Variants in BARD1 observed in about 807,000 individuals in gnomAD.
BARD1 encodes the protein BRCA1 associated RING domain 1.
BARD1 carries 73 observed loss-of-function variants against 77.0 expected under a neutral mutation model. That is an observed-to-expected ratio of 0.95 (90% CI 0.79 to 1.15). The LOEUF (loss-of-function observed/expected upper bound fraction) is 1.15, where lower values mean the gene tolerates loss of function less well. Ranked by LOEUF, BARD1 falls within the 50% of genes most tolerant of loss-of-function variation. The pLI is 0.00. For missense variants in BARD1, 993 were observed against 938.8 expected, an observed-to-expected ratio of 1.06 and a Z score of -0.75; for synonymous variants, 384 against 338.0, an observed-to-expected ratio of 1.14 and a Z score of -1.49.
chr2:214,769,112 T>C, intron 5 of BARD1, 120 bp downstream of exon 5: 1 of 817,172 alleles, frequency 1.2e-6, no homozygotes, highest in Non-Finnish European at 2.0e-6. Flanking sequence ...GATGAAAACA[T>C]AAGTTCTTCA....
At chr2:214,799,046 G>A (rs1695890897) in intron 1 of BARD1, among the ~76,000 whole-genome samples, 2 of 152,202 alleles carry the variant, frequency 1.3e-5, no homozygotes, top group Admixed American at 1.3e-4. Flanking sequence ...GAACCTGGAA[G>A]GTGGAGGTTG....
At chr2:214,763,961 A>C (rs1694079298) in intron 6 of BARD1, among the ~76,000 whole-genome samples, 1 of 152,200 alleles carries the variant, frequency 6.6e-6, no homozygotes, top group African/African-American at 2.4e-5. Flanking sequence ...GACAGCATGC[A>C]CTTAAAAGTC....
chr2:214,802,229 G>T (rs1380874158), intron 1 of BARD1, among the ~76,000 whole-genome samples: 2 of 152,156 alleles, frequency 1.3e-5, no homozygotes, highest in Non-Finnish European at 2.9e-5. Context: ...CTGGGCCACA[G>T]CAGGAAGTCA....
chr2:214,793,880 C>T (rs1253277433), intron 2 of BARD1, among the ~76,000 whole-genome samples: 3 of 151,860 alleles, frequency 2.0e-5, no homozygotes, highest in African/African-American at 7.3e-5. Flanking sequence ...CTAGATAAAC[C>T]AATGAAATTT....
intron 1 of BARD1, among the ~76,000 whole-genome samples, chr2:214,802,244 G>GT (rs1460692722): frequency 5.9e-5 from 9 of 152,078 alleles, no homozygotes; most frequent in Admixed American, 4.6e-4. Flanking sequence ...AAGTCATTCT[G>GT]TTTTTCACTT....
chr2:214,784,076 T>C (rs1695161721), intron 3 of BARD1, among the ~76,000 whole-genome samples: 2 of 152,044 alleles, frequency 1.3e-5, no homozygotes, highest in South Asian at 4.2e-4. Flanking sequence ...CAAAAGAAAC[T>C]ATCATCAGAG....
At chr2:214,800,982 T>A (rs116752696) in intron 1 of BARD1, among the ~76,000 whole-genome samples, 4,180 of 151,686 alleles carry the variant, frequency 0.028, 84 homozygotes, top group Middle Eastern at 0.071. Flanking sequence ...GAAAAAAAAA[T>A]AAATAGCAAT....
At position 214,725,950 on chromosome 2, in the gene BARD1, G is replaced by A. The variant is rs1489902716; in HGVS notation, c.*2726C>T. 3 of 223,678 alleles carry A rather than the reference G, an allele frequency of 1.3e-5. No individual in the cohort carries two copies. The highest frequency in any genetic ancestry group is 1.2e-4 in the Admixed American group (2 of 17,370). 13.9% of individuals were successfully genotyped at this position (223,678 alleles called of 1,614,324 possible). ...GTGGCCCCACTCTCACCTGTGAATC[G>A]TCTTATTCCCACAGGAAACATCAAA... On this transcript the variant is annotated 3_prime_UTR_variant, in exon 11 of 11. Coordinates refer to ENST00000260947, the MANE Select transcript of BARD1 (RefSeq NM_000465.4).
intron 9 of BARD1, among the ~76,000 whole-genome samples, chr2:214,742,661 G>A (rs1479356811): frequency 6.6e-6 from 1 of 152,026 alleles, no homozygotes; most frequent in Non-Finnish European, 1.5e-5. Context: ...CTATAAAAAC[G>A]ACACGGCCAA....
At chr2:214,755,611 A>AC (rs1213122902) in intron 6 of BARD1, among the ~76,000 whole-genome samples, 2 of 152,214 alleles carry the variant, frequency 1.3e-5, no homozygotes, top group Non-Finnish European at 2.9e-5. Flanking sequence ...AGAAACTGGA[A>AC]TATGGTGGTT....
At chr2:214,799,963 A>G (rs1695941541) in intron 1 of BARD1, among the ~76,000 whole-genome samples, 1 of 152,058 alleles carries the variant, frequency 6.6e-6, no homozygotes, top group Non-Finnish European at 1.5e-5. Flanking sequence ...CCGCATTTTA[A>G]TATTTTTATA....
At chr2:214,735,909 G>C (rs1692546503) in intron 9 of BARD1, among the ~76,000 whole-genome samples, 1 of 151,886 alleles carries the variant, frequency 6.6e-6, no homozygotes, top group South Asian at 2.1e-4. Context: ...CTCACACTCA[G>C]GACGTCTATG....
rs778163347 is a variant in BARD1 at position 214,730,402 on chromosome 2, GA to G, written c.2001+8del. 1 of 1,610,040 alleles carries G rather than the reference GA, an allele frequency of 6.2e-7. No homozygotes were observed. Among genetic ancestry groups the G allele is most frequent in the Admixed American group, 1.7e-5 (1 of 59,990 alleles). ...AAGAACAATGAAAGTTGTATTAAAA[GA>G]AAAATACCAGCTGTTCTCTGTTGAG... On this transcript the variant is annotated splice_region_variant and intron_variant, in intron 10 of 10. Transcript: ENST00000260947.
intron 6 of BARD1, among the ~76,000 whole-genome samples, chr2:214,757,405 T>A (rs1472946495): frequency 2.0e-5 from 3 of 152,174 alleles, no homozygotes; most frequent in African/African-American, 7.2e-5. Context: ...TTTTACATTT[T>A]AAAATCTTGA....
chr2:214,752,280 G>A (rs1276994642), intron 7 of BARD1, among the ~76,000 whole-genome samples, 167 bp downstream of exon 7: 4 of 152,228 alleles, frequency 2.6e-5, no homozygotes, highest in Non-Finnish European at 4.4e-5. Context: ...CTAGATGGTC[G>A]TACTGTGATT....
intron 4 of BARD1, among the ~76,000 whole-genome samples, chr2:214,771,734 A>G (rs576487891): frequency 7.9e-5 from 12 of 152,044 alleles, no homozygotes; most frequent in Non-Finnish European, 1.6e-4. Context: ...CCTCAGAAAA[A>G]AAAAAAATGC....
chr2:214,735,527 T>A (rs1692533424), intron 9 of BARD1, among the ~76,000 whole-genome samples: 1 of 152,108 alleles, frequency 6.6e-6, no homozygotes, highest in Admixed American at 6.6e-5. Context: ...ACAATGAGGA[T>A]TTACTGTTTA....
chr2:214,736,048 C>T (rs923268999), intron 9 of BARD1, among the ~76,000 whole-genome samples: 1 of 151,910 alleles, frequency 6.6e-6, no homozygotes, highest in East Asian at 1.9e-4. Flanking sequence ...ATTTCCGAAT[C>T]TTATAATTTT....
intron 6 of BARD1, among the ~76,000 whole-genome samples, chr2:214,754,520 T>C (rs1693606180): frequency 6.6e-6 from 1 of 152,088 alleles, no homozygotes; most frequent in Non-Finnish European, 1.5e-5. Context: ...AAAAAGTGCA[T>C]GATGACAACA....
Sources: gnomAD v4.1 joint callset for allele counts (sites outside exome capture counted in the v4.1 genomes callset) on GRCh38, gnomAD v4.1.1 for gene constraint, MANE v1.5 for transcripts, NCBI Gene and HGNC (gene_info 2026-07-23, HGNC 2026-07-21) for gene names.